ERMP1: variants seen among roughly 807,000 people sequenced by gnomAD.
ERMP1 encodes endoplasmic reticulum metallopeptidase 1, also known as Felix-ina.
Under a neutral mutation model 92.0 loss-of-function variants are expected in ERMP1, and 86 were observed. That is an observed-to-expected ratio of 0.93 (90% CI 0.79 to 1.12). ERMP1 has a LOEUF of 1.12. Ranked by LOEUF, ERMP1 falls within the 50% of genes most tolerant of loss-of-function variation. The pLI is 0.00. For synonymous variants in ERMP1, 530 were observed against 412.8 expected, an observed-to-expected ratio of 1.28 and a Z score of -3.44; for missense variants, 1,342 against 1,116.3, an observed-to-expected ratio of 1.20 and a Z score of -2.88.
chr9:5,795,262 T>C (rs910193269), intron 13 of ERMP1, among the ~76,000 whole-genome samples: 2 of 152,136 alleles, frequency 1.3e-5, no homozygotes, highest in Non-Finnish European at 2.9e-5. Context: ...ATAAAAAACA[T>C]CTACCAAAAA....
At chr9:5,814,694 C>T (rs1215157262) in intron 4 of ERMP1, among the ~76,000 whole-genome samples, 1 of 152,110 alleles carries the variant, frequency 6.6e-6, no homozygotes. Flanking sequence ...TGTGCCACTG[C>T]ACTCCAGCCT....
At chr9:5,832,081 G>C (rs149045227) in intron 1 of ERMP1, among the ~76,000 whole-genome samples, 134 of 147,926 alleles carry the variant, frequency 9.1e-4, no homozygotes, top group African/African-American at 3.4e-3. Flanking sequence ...ATTCTTAAAG[G>C]TCTTAAAAAA....
At chr9:5,809,901 C>G (rs1235334990) in intron 8 of ERMP1, 110 bp downstream of exon 8, 24 of 717,418 alleles carry the variant, frequency 3.3e-5, no homozygotes, top group Non-Finnish European at 5.0e-5. Flanking sequence ...CATAACCATG[C>G]TGAACAATTT....
chr9:5,864,752 C>A (rs1273303076), intron 5 of ERMP1, among the ~76,000 whole-genome samples: 1 of 152,156 alleles, frequency 6.6e-6, no homozygotes, highest in African/African-American at 2.4e-5. Context: ...AGCATTAACC[C>A]CTGTATTCCC....
chr9:5,793,535 A>G (rs1828289685), intron 13 of ERMP1, among the ~76,000 whole-genome samples: 1 of 152,176 alleles, frequency 6.6e-6, no homozygotes, highest in Admixed American at 6.5e-5. Flanking sequence ...AGACCCCACT[A>G]TGTGTTGTCT....
At chr9:5,805,286 T>G in intron 9 of ERMP1, 69 bp from the exon 10 acceptor site, 1 of 1,174,018 alleles carries the variant, frequency 8.5e-7, no homozygotes, top group Non-Finnish European at 1.2e-6. Context: ...TTTATAGTAC[T>G]GGTGTGCCTT....
upstream of ERMP1, among the ~76,000 whole-genome samples, chr9:5,837,185 A>G (rs1830104988): frequency 6.6e-6 from 1 of 152,144 alleles, no homozygotes; most frequent in African/African-American, 2.4e-5. Flanking sequence ...GGTTCTAACT[A>G]TGTTGCCTAG....
intron 4 of ERMP1, among the ~76,000 whole-genome samples, chr9:5,816,202 A>T (rs1353504752): frequency 6.6e-6 from 1 of 152,224 alleles, no homozygotes; most frequent in Non-Finnish European, 1.5e-5. Flanking sequence ...GCTATATTTG[A>T]TCCTGGGTAG....
chr9:5,842,402 C>A (rs142319066), intron 6 of ERMP1, among the ~76,000 whole-genome samples: 4 of 147,574 alleles, frequency 2.7e-5, no homozygotes, highest in African/African-American at 7.5e-5. Context: ...AACTGCACTC[C>A]AGCCTGGGTG....
At chr9:5,844,738 T>C (rs371102672) in intron 6 of ERMP1, among the ~76,000 whole-genome samples, 154 of 152,328 alleles carry the variant, frequency 1.0e-3, no homozygotes, top group African/African-American at 3.4e-3. Flanking sequence ...TTTTTGTTTA[T>C]ATATGGGTGG....
chr9:5,812,190 C>G lies in ERMP1; in HGVS notation c.1049G>C (p.Gly350Ala). The change falls in exon 6 of 15, where the codon GGA (glycine) becomes GCA (alanine). Residue 350 changes from glycine (G) to alanine (A), a missense_variant. By Grantham distance (60) the Gly-to-Ala change is moderately conservative. Coordinates refer to ENST00000339450, the MANE Select transcript of ERMP1 (RefSeq NM_024896.3). ...PGIDLAFIEN[G>A]YIYHTKYDTA... Reference sequence around the variant, plus strand: ...GTCATACTTGGTGTGATAAATGTATCCATTCTCAATAAAAGCTAAGTCTAT... The same window carrying G: ...GTCATACTTGGTGTGATAAATGTATGCATTCTCAATAAAAGCTAAGTCTAT... The G allele has an allele frequency of 6.2e-7, 1 of 1,606,426 alleles. No individual in the cohort carries two copies. The highest frequency in any genetic ancestry group is 8.5e-7 in the Non-Finnish European group (1 of 1,175,530).
In ERMP1 at chr9:5,810,223, A is replaced by G; in HGVS notation, c.1336T>C (p.Tyr446His). 4.3e-6 allele frequency: 7 copies of G among 1,611,596 alleles called. No homozygotes were observed. Among genetic ancestry groups the G allele is most frequent in the Non-Finnish European group, 5.1e-6 (6 of 1,177,990 alleles). The change falls in exon 8 of 15, where the codon TAC becomes CAC. Residue 446 changes from tyrosine (Y) to histidine (H), a missense_variant. By Grantham distance (83) the Tyr-to-His change is moderately conservative (BLOSUM62 2). Coordinates refer to ENST00000339450, the MANE Select transcript of ERMP1 (RefSeq NM_024896.3). ...AGTCCACACAAGAAGTCCTTCTTGT[A>G]GTTACCAGCTAATGAAGAGAAAACA... ...FLQPKHKTGN[Y>H]KKDFLCGLGI...
In ERMP1 at chr9:5,785,689, GCT is replaced by G. The variant is rs1229291644; in HGVS notation, c.*1453_*1454del. Reference sequence around the variant, plus strand: ...TTCTCCGGCAATGCATACTTACTGTGCTCTTTCTATTCAGACAGATCCACAGA... The same window carrying G: ...TTCTCCGGCAATGCATACTTACTGTGCTTTCTATTCAGACAGATCCACAGA... On this transcript the variant is annotated 3_prime_UTR_variant, in exon 15 of 15. Coordinates refer to ENST00000339450, the MANE Select transcript of ERMP1 (RefSeq NM_024896.3). 6.6e-6 allele frequency: 1 copy of G among 152,372 alleles called. No homozygotes were observed. Among genetic ancestry groups the G allele is most frequent in the Non-Finnish European group, 1.5e-5 (1 of 67,894 alleles). The allele number at this position is 152,372 out of a possible 1,614,324, so 9.4% of individuals were successfully genotyped here. A position where few individuals can be genotyped will look rare whatever the true frequency, so the allele number is the denominator to read the frequency against.
intron 3 of ERMP1, among the ~76,000 whole-genome samples, chr9:5,824,261 T>C (rs1280368130): frequency 2.0e-5 from 3 of 152,172 alleles, no homozygotes; most frequent in Non-Finnish European, 4.4e-5. Flanking sequence ...CCCTGGTAAG[T>C]ACAAGGCTGT....
chr9:5,814,877 G>A (rs1164891094), intron 4 of ERMP1, among the ~76,000 whole-genome samples: 2 of 152,198 alleles, frequency 1.3e-5, no homozygotes, highest in Admixed American at 6.5e-5. Context: ...ACAGATATCA[G>A]TAATTTCACC....
chr9:5,812,516 T>C (rs531814183), intron 5 of ERMP1, among the ~76,000 whole-genome samples: 1 of 152,288 alleles, frequency 6.6e-6, no homozygotes, highest in African/African-American at 2.4e-5. Context: ...TTTTGCCACC[T>C]ACATTCTTGC....
chr9:5,844,387 G>C (rs1830208476), intron 6 of ERMP1, among the ~76,000 whole-genome samples: 1 of 152,176 alleles, frequency 6.6e-6, no homozygotes, highest in Non-Finnish European at 1.5e-5. Context: ...TGATTCTTGT[G>C]CCTCAGCCTT....
At chr9:5,856,659 A>G (rs7872357) in intron 6 of ERMP1, among the ~76,000 whole-genome samples, 87,196 of 151,966 alleles carry the variant, frequency 0.57, 25,852 homozygotes, top group South Asian at 0.69. Flanking sequence ...CACAGCAAAC[A>G]CTGAATTAGC....
intron 6 of ERMP1, among the ~76,000 whole-genome samples, chr9:5,854,289 AG>A (rs1379270987): frequency 6.6e-6 from 1 of 152,136 alleles, no homozygotes; most frequent in African/African-American, 2.4e-5. Flanking sequence ...TCTTTGGAAT[AG>A]AAAAAAAATA....
Sources: gnomAD v4.1 joint callset for allele counts (sites outside exome capture counted in the v4.1 genomes callset) on GRCh38, gnomAD v4.1.1 for gene constraint, MANE v1.5 for transcripts, NCBI Gene and HGNC (gene_info 2026-07-23, HGNC 2026-07-21) for gene names.